Variants in CYP11A1 observed in about 807,000 individuals in gnomAD.
CYP11A1 encodes the protein cholesterol side-chain cleavage enzyme, mitochondrial.
CYP11A1 carries 25 observed loss-of-function variants against 51.9 expected under a neutral mutation model. The ratio of observed to expected loss-of-function variants is 0.48; its 90% CI spans 0.35 to 0.67. CYP11A1 has a LOEUF of 0.67. CYP11A1 is among the 30% of genes least tolerant of loss of function. The pLI, the probability that CYP11A1 is intolerant of heterozygous loss-of-function variation, is 0.00. For synonymous variants in CYP11A1, 245 were observed against 262.1 expected, an observed-to-expected ratio of 0.93 and a Z score of 0.63; for missense variants, 578 against 680.9, an observed-to-expected ratio of 0.85 and a Z score of 1.68.
chr15:74,338,336 C>T (rs1406219511), intron 8 of CYP11A1: 1 of 704,208 alleles, frequency 1.4e-6, no homozygotes, highest in Admixed American at 2.1e-5. Context: ...CCTATCCCAT[C>T]CCATCACCAC....
At chr15:74,338,447 G>T in intron 8 of CYP11A1, 124 bp downstream of exon 8, 1 of 1,002,878 alleles carries the variant, frequency 1.0e-6, no homozygotes, top group Non-Finnish European at 1.6e-6. Flanking sequence ...GCAAGTAACT[G>T]GAGGTAGATG....
chr15:74,344,097 T>A, intron 3 of CYP11A1, 105 bp from the exon 4 acceptor site: 1 of 905,176 alleles, frequency 1.1e-6, no homozygotes, highest in East Asian at 2.5e-5. Context: ...ACAAAGGATC[T>A]CTTGCCCCTA....
rs1470155717 is a variant in CYP11A1 at position 74,367,633 on chromosome 15, G to A, written c.-48C>T. 1.2e-6 allele frequency: 2 copies of A among 1,600,076 alleles called. No homozygotes were observed. Among genetic ancestry groups the A allele is most frequent in the Admixed American group, 1.7e-5 (1 of 58,010 alleles). Reference sequence around the variant, plus strand: ...TACCTGCTCCACTTCAGCGGGGACTGCTAGGATGACTGTAGCCCTGGGCCA... The same window carrying A: ...TACCTGCTCCACTTCAGCGGGGACTACTAGGATGACTGTAGCCCTGGGCCA... On this transcript the variant is annotated 5_prime_UTR_variant, in exon 1 of 9. Coordinates refer to ENST00000268053, the MANE Select transcript of CYP11A1 (RefSeq NM_000781.3).
intron 1 of CYP11A1, chr15:74,364,130 T>C (rs1411480172): frequency 6.5e-6 from 1 of 152,894 alleles, no homozygotes; most frequent in Non-Finnish European, 1.5e-5. Context: ...AAGCTTCAGA[T>C]GATCATGTAA....
intron 5 of CYP11A1, among the ~76,000 whole-genome samples, chr15:74,340,241 A>G (rs1347944430): frequency 6.6e-6 from 1 of 152,258 alleles, no homozygotes; most frequent in Non-Finnish European, 1.5e-5. Context: ...AGGCTCAAAG[A>G]AGCTGAAACC....
chr15:74,350,520 T>C (rs2060651327), intron 1 of CYP11A1, among the ~76,000 whole-genome samples: 1 of 152,178 alleles, frequency 6.6e-6, no homozygotes, highest in African/African-American at 2.4e-5. Flanking sequence ...TACAGGGATA[T>C]GTTGCAAGAT....
At chr15:74,357,037 CA>C (rs2060683716) in intron 1 of CYP11A1, among the ~76,000 whole-genome samples, 1 of 152,188 alleles carries the variant, frequency 6.6e-6, no homozygotes, top group Non-Finnish European at 1.5e-5. Context: ...GTTCAAAAAC[CA>C]GACAGGTCTT....
chr15:74,340,875 A>G (rs2060603742), intron 5 of CYP11A1, among the ~76,000 whole-genome samples: 1 of 151,912 alleles, frequency 6.6e-6, no homozygotes, highest in African/African-American at 2.4e-5. Flanking sequence ...CTAATGTTCC[A>G]GCTACATGGA....
chr15:74,367,210 A>C, intron 1 of CYP11A1, 107 bp downstream of exon 1: 1 of 1,092,214 alleles, frequency 9.2e-7, no homozygotes, highest in Non-Finnish European at 1.4e-6. Context: ...GTTAGACAGG[A>C]GTTTGGAACC....
intron 1 of CYP11A1, chr15:74,361,513 G>C: frequency 5.1e-6 from 3 of 589,702 alleles, no homozygotes; most frequent in Non-Finnish European, 9.5e-6. Context: ...TCGCTTTGCA[G>C]ATGCCGTCAC....
rs753245687 is a variant in CYP11A1, at chr15:74,338,077, G to T, written c.1461C>A (p.Ile487=). 4 of 1,614,198 alleles carry T rather than the reference G, an allele frequency of 2.5e-6. No homozygotes were observed. Among genetic ancestry groups the T allele is most frequent in the Admixed American group, 3.3e-5 (2 of 60,026 alleles). ...TGGTGCCCACATCGCTGAGGTGTTG[G>T]ATTTCAACTCTGAAGTTCTCCAGCA... The part of the protein sequence containing the change: ...INMLENFRVE[I]QHLSDVGTTF... The change falls in exon 9 of 9, where the codon ATC becomes ATA. Residue 487 remains isoleucine, a synonymous_variant. Transcript: ENST00000268053.
At chr15:74,348,913 A>T (rs1001537476) in intron 1 of CYP11A1, among the ~76,000 whole-genome samples, 13 of 152,072 alleles carry the variant, frequency 8.5e-5, no homozygotes, top group Non-Finnish European at 1.9e-4. Flanking sequence ...TTTTGTAGAG[A>T]TGAGGTTTTG....
chr15:74,356,193 G>A (rs1287885070), intron 1 of CYP11A1: 1 of 152,246 alleles, frequency 6.6e-6, no homozygotes, highest in Non-Finnish European at 1.5e-5. Flanking sequence ...CCTGCCCCAG[G>A]ATCTTGCTTC....
chr15:74,347,711 TTCATCATCA>T (rs371547447), intron 2 of CYP11A1, among the ~76,000 whole-genome samples, 180 bp downstream of exon 2: 1 of 151,956 alleles, frequency 6.6e-6, no homozygotes, highest in Non-Finnish European at 1.5e-5. Context: ...GGCAGAGCAA[TTCATCATCA>T]TCATCATCAT....
intron 1 of CYP11A1, 60 bp from the exon 2 acceptor site, chr15:74,348,115 T>C (rs2060640626): frequency 1.3e-6 from 2 of 1,581,072 alleles, no homozygotes; most frequent in Admixed American, 3.5e-5. Context: ...GGATACAGGC[T>C]CAGCACAGCT....
At chr15:74,346,789 C>CCTTTT (rs917121319) in intron 2 of CYP11A1, among the ~76,000 whole-genome samples, 4 of 151,248 alleles carry the variant, frequency 2.6e-5, no homozygotes, top group Non-Finnish European at 5.9e-5. Context: ...TTACGTTTTA[C>CCTTTT]CTTTTCTTTT....
chr15:74,338,935 G>T (rs1208822043), intron 7 of CYP11A1, among the ~76,000 whole-genome samples, 167 bp from the exon 8 acceptor site: 1 of 152,142 alleles, frequency 6.6e-6, no homozygotes, highest in Non-Finnish European at 1.5e-5. Flanking sequence ...CCTTGAACAA[G>T]GCCCCGCCCC....
chr15:74,337,856 C>A lies in CYP11A1; in HGVS notation c.*116G>T. ...GACCACTGAGAACCCATTCAACCTG[C>A]TGAGCAGGCTGGGCAGAAAGGAGCA... On this transcript the variant is annotated 3_prime_UTR_variant, in exon 9 of 9. Coordinates refer to ENST00000268053, the MANE Select transcript of CYP11A1 (RefSeq NM_000781.3). 7.0e-7 allele frequency: 1 copy of A among 1,430,824 alleles called. No homozygotes were observed. The allele number at this position is 1,430,824 out of a possible 1,614,324, so 88.6% of individuals were successfully genotyped here. A position where few individuals can be genotyped will look rare whatever the true frequency, so the allele number is the denominator to read the frequency against.
At chr15:74,358,971 A>C (rs2060694269) in intron 1 of CYP11A1, among the ~76,000 whole-genome samples, 1 of 152,258 alleles carries the variant, frequency 6.6e-6, no homozygotes, top group African/African-American at 2.4e-5. Context: ...AATAGAGCCC[A>C]AAAACTCACC....
Sources: gnomAD v4.1 joint callset for allele counts (sites outside exome capture counted in the v4.1 genomes callset) on GRCh38, gnomAD v4.1.1 for gene constraint, MANE v1.5 for transcripts, NCBI Gene and HGNC (gene_info 2026-07-23, HGNC 2026-07-21) for gene names.